Variants in SMUG1 observed in about 807,000 individuals in gnomAD.
SMUG1 encodes single-strand selective monofunctional uracil DNA glycosylase.
Under a neutral mutation model 23.9 loss-of-function variants are expected in SMUG1, and 13 were observed. That is an observed-to-expected ratio of 0.54 (90% confidence interval 0.35 to 0.86). SMUG1 has a LOEUF of 0.86. Among genes scored for constraint, SMUG1 ranks in the 40% least tolerant of loss-of-function variants. SMUG1 has a pLI of 0.01. For missense variants in SMUG1, 313 were observed against 339.5 expected (o/e 0.92, Z 0.61); for synonymous variants, 133 against 139.8 (o/e 0.95, Z 0.34).
At chr12:54,176,183 A>G (rs1342084884), downstream of SMUG1, among the ~76,000 whole-genome samples, 2 of 151,114 alleles carry the variant, frequency 1.3e-5, no homozygotes, top group Non-Finnish European at 2.9e-5. Context: ...CCAAGATCAC[A>G]CCATTGCACT....
intron 3 of SMUG1, 89 bp from the exon 4 acceptor site, chr12:54,182,712 G>A: frequency 6.6e-7 from 1 of 1,517,402 alleles, no homozygotes; most frequent in East Asian, 2.3e-5. Context: ...TACCTTACAT[G>A]AGGATCCAGC....
In SMUG1 at chr12:54,181,448, C is replaced by A; in HGVS notation, c.*648G>T. 1 of 1,038,794 alleles carries A rather than the reference C, an allele frequency of 9.6e-7. No individual in the cohort carries two copies. The highest frequency in any genetic ancestry group is 1.4e-6 in the Non-Finnish European group (1 of 702,722). The allele number at this position is 1,038,794 out of a possible 1,614,324, so 64.3% of individuals were successfully genotyped here. On this transcript the variant is annotated 3_prime_UTR_variant, in exon 4 of 4. Transcript: ENST00000682136. Reference sequence around the variant, plus strand: ...CACACCAACCCCATAAGGTAGGCATCCCTGTTTTACAGATGAGGAGCCTGA... The same window carrying A: ...CACACCAACCCCATAAGGTAGGCATACCTGTTTTACAGATGAGGAGCCTGA...
At chr12:54,180,039 A>G (rs748801777), downstream of SMUG1, among the ~76,000 whole-genome samples, 51 of 152,320 alleles carry the variant, frequency 3.3e-4, no homozygotes, top group Middle Eastern at 3.4e-3. Context: ...TACCATAGAT[A>G]TAATTGGTTA....
intron 4 of SMUG1, among the ~76,000 whole-genome samples, chr12:54,159,505 C>A (rs1940171740): frequency 6.6e-6 from 1 of 152,194 alleles, no homozygotes; most frequent in Non-Finnish European, 1.5e-5. Context: ...GCCCCCAGTT[C>A]CCAACTGAGG....
In SMUG1 at chr12:54,180,586, T is replaced by G. The variant is rs890064029; in HGVS notation, c.*1510A>C. 1 of 152,028 alleles carries G rather than the reference T, an allele frequency of 6.6e-6. No individual in the cohort carries two copies. The highest frequency in any genetic ancestry group is 1.5e-5 in the Non-Finnish European group (1 of 67,990). 9.4% of individuals were successfully genotyped at this position (152,028 alleles called of 1,614,324 possible). A position where few individuals can be genotyped will look rare whatever the true frequency, so the allele number is the denominator to read the frequency against. On this transcript the variant is annotated 3_prime_UTR_variant, in exon 4 of 4. Transcript: ENST00000682136. The stretch of plus-strand genomic sequence containing the variant: ...CACCCAGTCAACCATTCAGCAGACA[T>G]AAAAAATGAGTTGGATACCAGGTTC...
intron 2 of SMUG1, among the ~76,000 whole-genome samples, chr12:54,173,924 G>A (rs1940691684): frequency 6.6e-6 from 1 of 151,934 alleles, no homozygotes; most frequent in Admixed American, 6.6e-5. Flanking sequence ...AGACACAACA[G>A]CAGCAAAAAT....
At chr12:54,177,492 T>A (rs2136556192), downstream of SMUG1, among the ~76,000 whole-genome samples, 1 of 152,252 alleles carries the variant, frequency 6.6e-6, no homozygotes, top group East Asian at 1.9e-4. Flanking sequence ...AGAATTGAAT[T>A]TTTTTCCTTA....
intron 3 of SMUG1, among the ~76,000 whole-genome samples, chr12:54,168,831 GA>G (rs1215256345): frequency 6.6e-6 from 1 of 152,172 alleles, no homozygotes; most frequent in Non-Finnish European, 1.5e-5. Flanking sequence ...CAAAGACAGA[GA>G]ATCAGTCAGT....
intron 3 of SMUG1, among the ~76,000 whole-genome samples, chr12:54,170,186 G>A (rs553377215): frequency 4.1e-5 from 6 of 146,428 alleles, no homozygotes; most frequent in East Asian, 4.0e-4. Context: ...CAACAAGAGC[G>A]AAACTCTGTC....
At chr12:54,186,582 TG>T (rs1373322489) in intron 2 of SMUG1, among the ~76,000 whole-genome samples, 189 of 152,210 alleles carry the variant, frequency 1.2e-3, no homozygotes, top group African/African-American at 4.4e-3. Context: ...CCTCATGATC[TG>T]CCTGCCTCAG....
chr12:54,161,949 G>A (rs776618964), downstream of SMUG1: 24 of 152,462 alleles, frequency 1.6e-4, no homozygotes, highest in Non-Finnish European at 3.1e-4. The surrounding 1 kb of genome is among the most constrained non-coding windows in gnomAD (Gnocchi z 4.2). Context: ...CAGGCTCCAG[G>A]CTGAGCAAGG....
intron 2 of SMUG1, among the ~76,000 whole-genome samples, chr12:54,186,182 T>C (rs546366198): frequency 4.6e-5 from 7 of 152,276 alleles, no homozygotes; most frequent in South Asian, 4.2e-4. Flanking sequence ...CCTGTCCACA[T>C]ATCCAAATCA....
At chr12:54,166,158 C>T (rs1422466767) in intron 3 of SMUG1, among the ~76,000 whole-genome samples, 4 of 152,134 alleles carry the variant, frequency 2.6e-5, no homozygotes, top group Admixed American at 1.3e-4. Flanking sequence ...GTCAGGAGTT[C>T]GAGACCAGCC....
intron 3 of SMUG1, among the ~76,000 whole-genome samples, chr12:54,167,479 G>A (rs60080680): frequency 0.068 from 10,375 of 152,182 alleles, 527 homozygotes; most frequent in African/African-American, 0.14. Context: ...CCGACAAGAA[G>A]GGTCCCACCC....
At chr12:54,183,475 G>A (rs543736230) in intron 3 of SMUG1, 181 bp downstream of exon 3, 7 of 622,340 alleles carry the variant, frequency 1.1e-5, no homozygotes, top group South Asian at 2.0e-5. Context: ...GGTTAATTAC[G>A]GGCAGAGACG....
chr12:54,181,371 C>A lies in SMUG1; in HGVS notation c.*725G>T. The stretch of plus-strand genomic sequence containing the variant: ...AACAAGAAGACTATGTAATGAGCAC[C>A]CACATGCCAAGCCCATGCAAGGCAC... On this transcript the variant is annotated 3_prime_UTR_variant, in exon 4 of 4. Transcript: ENST00000682136. The A allele has an allele frequency of 3.2e-6, 2 of 616,474 alleles. No homozygotes were observed. Among genetic ancestry groups the A allele is most frequent in the Non-Finnish European group, 2.9e-6 (1 of 350,702 alleles). 38.2% of individuals were successfully genotyped at this position (616,474 alleles called of 1,614,324 possible).
At chr12:54,188,304 T>TA (rs1279516149) in intron 1 of SMUG1, among the ~76,000 whole-genome samples, 451 of 122,168 alleles carry the variant, frequency 3.7e-3, no homozygotes, top group African/African-American at 0.014. Flanking sequence ...TAAATAATAA[T>TA]AATAATAATA....
intron 3 of SMUG1, among the ~76,000 whole-genome samples, chr12:54,167,043 AG>A (rs1161047833): frequency 6.6e-6 from 1 of 152,178 alleles, no homozygotes; most frequent in Non-Finnish European, 1.5e-5. Context: ...AATATGTCCT[AG>A]GGCCCCCGCT....
downstream of SMUG1, among the ~76,000 whole-genome samples, chr12:54,160,237 T>G (rs1336583971): frequency 2.0e-5 from 3 of 152,250 alleles, no homozygotes; most frequent in African/African-American, 7.2e-5. Flanking sequence ...TCGTTATATA[T>G]GCAAATGCCC....
Sources: allele counts gnomAD v4.1 joint callset (sites outside exome capture counted in the v4.1 genomes callset), GRCh38; gene constraint gnomAD v4.1.1; non-coding constraint Gnocchi (gnomAD v3.1); transcripts MANE v1.5; gene names NCBI Gene and HGNC (gene_info 2026-07-23, HGNC 2026-07-21).